DOCK3: variants seen among roughly 807,000 people sequenced by gnomAD.
The protein encoded by DOCK3 is dedicator of cytokinesis protein 3.
DOCK3 carries 60 observed loss-of-function variants against 265.6 expected under a neutral mutation model. The ratio of observed to expected loss-of-function variants is 0.23; its 90% CI spans 0.18 to 0.28. DOCK3 has a LOEUF of 0.28. DOCK3 is among the 10% of genes least tolerant of loss of function. The pLI is 1.00. For missense variants in DOCK3, 1,981 were observed against 2,594.3 expected (o/e 0.76, Z 5.14); for synonymous variants, 881 against 938.0 (o/e 0.94, Z 1.11).
chr3:50,897,481 C>G (rs1353416267), intron 4 of DOCK3, among the ~76,000 whole-genome samples: 1 of 152,132 alleles, frequency 6.6e-6, no homozygotes, highest in East Asian at 1.9e-4. Context: ...ATTTCTTTCT[C>G]TTGCCTGATT....
chr3:51,001,618 G>T (rs1014396858), intron 5 of DOCK3, among the ~76,000 whole-genome samples: 1 of 152,076 alleles, frequency 6.6e-6, no homozygotes, highest in Non-Finnish European at 1.5e-5. Context: ...CACAAATACC[G>T]TGTGTATGTA....
chr3:51,026,116 G>A (rs746492498), intron 5 of DOCK3, among the ~76,000 whole-genome samples: 3 of 152,064 alleles, frequency 2.0e-5, no homozygotes, highest in Non-Finnish European at 1.5e-5. Flanking sequence ...GGAGAGGCAA[G>A]CTAACACTGC....
intron 9 of DOCK3, among the ~76,000 whole-genome samples, chr3:51,130,305 C>T (rs1337414815): frequency 3.9e-5 from 6 of 152,158 alleles, no homozygotes; most frequent in Non-Finnish European, 8.8e-5. Context: ...AAGGTTATGA[C>T]ACAAAGCCAG....
rs536588963 is a variant in DOCK3, at chr3:51,274,730, A to G, written c.2549-349A>G. Among the ~76,000 whole-genome samples the G allele has an allele frequency of 3.3e-5, 5 of 152,266 alleles. No homozygotes were observed. In the East Asian group the frequency reaches 9.7e-4, roughly 29 times the overall value. On this transcript the variant is annotated intron_variant, in intron 24 of 52. Transcript: ENST00000266037. ...TAGAAAGTTGAAGCTGCAGGGAGCC[A>G]TGATTATGCCCCTGCATTCCAGCCT...
At chr3:51,306,467 A>G (rs2109434905) in intron 27 of DOCK3, among the ~76,000 whole-genome samples, 1 of 151,944 alleles carries the variant, frequency 6.6e-6, no homozygotes, top group African/African-American at 2.4e-5. Flanking sequence ...TCAATTTTGG[A>G]AAGTTTTTGC....
chr3:51,282,392 C>T (rs1307171131), intron 27 of DOCK3, among the ~76,000 whole-genome samples: 5 of 152,054 alleles, frequency 3.3e-5, no homozygotes, highest in African/African-American at 1.2e-4. Context: ...CCTGTAATCC[C>T]AACACTTTGG....
intron 16 of DOCK3, 130 bp from the exon 17 acceptor site, chr3:51,227,852 C>A: frequency 1.2e-6 from 1 of 861,306 alleles, no homozygotes. Context: ...ATCATTCCTG[C>A]AGTCAGGTTG....
intron 4 of DOCK3, chr3:50,901,678 T>A (rs1351525458): frequency 4.4e-6 from 2 of 454,152 alleles, no homozygotes; most frequent in Non-Finnish European, 8.8e-6. Flanking sequence ...TGGAGTGCAC[T>A]GTTCCTCAAG....
chr3:51,142,035 A>G (rs1017185727), intron 9 of DOCK3, among the ~76,000 whole-genome samples: 1 of 150,624 alleles, frequency 6.6e-6, no homozygotes. Context: ...ATTTGTATCT[A>G]CACTGTTACT....
chr3:50,875,895 C>T lies in DOCK3; in HGVS notation c.163-14131C>T, dbSNP rs566296092. ...ACAACTGTTGTGTTTTGAGAGTCTT[C>T]GCCTGTTCGCTGTTGAGATAATATG... On this transcript the variant is annotated intron_variant, in intron 3 of 52. Coordinates refer to ENST00000266037, the MANE Select transcript of DOCK3 (RefSeq NM_004947.5). Among the ~76,000 whole-genome samples the T allele has an allele frequency of 5.3e-5, 8 of 151,030 alleles. No individual in the cohort carries two copies. The South Asian group carries it at 1.7e-3, about 32-fold the overall frequency.
At chr3:50,679,055 C>T (rs890696591) in intron 1 of DOCK3, among the ~76,000 whole-genome samples, 6 of 152,144 alleles carry the variant, frequency 3.9e-5, no homozygotes, top group Admixed American at 1.3e-4. Flanking sequence ...CCTTGTGATC[C>T]GCTCGCCTCG....
intron 22 of DOCK3, among the ~76,000 whole-genome samples, chr3:51,258,611 C>G (rs2079677738): frequency 6.6e-6 from 1 of 152,092 alleles, no homozygotes; most frequent in South Asian, 2.1e-4. Flanking sequence ...TCACGCCATT[C>G]TCGTGCCTCA....
At chr3:51,249,519 G>A (rs1438162175) in intron 22 of DOCK3, among the ~76,000 whole-genome samples, 6 of 91,352 alleles carry the variant, frequency 6.6e-5, no homozygotes, top group African/African-American at 8.4e-5. Context: ...TCAGCTCCCC[G>A]CCCGGCCAGC....
In DOCK3 at chr3:50,987,151, C is replaced by T. The variant is rs1575686705; in HGVS notation, c.315+53074C>T. On this transcript the variant is annotated intron_variant, in intron 5 of 52. Coordinates refer to ENST00000266037, the MANE Select transcript of DOCK3 (RefSeq NM_004947.5). ...CTTAATTACTGTTTCCTTACGGTCTCTTTGTCACAATACTGGTTTTTTTTG... is the reference window on the plus strand; with the variant it reads ...CTTAATTACTGTTTCCTTACGGTCTTTTTGTCACAATACTGGTTTTTTTTG... Among the ~76,000 whole-genome samples, 4 of 152,280 alleles carry T rather than the reference C, an allele frequency of 2.6e-5. No individual in the cohort carries two copies. The East Asian group carries it at 7.7e-4, about 29-fold the overall frequency.
chr3:50,835,513 A>G (rs1341239914), intron 2 of DOCK3, among the ~76,000 whole-genome samples: 4 of 152,202 alleles, frequency 2.6e-5, no homozygotes, highest in Admixed American at 6.5e-5. Context: ...CAAGACAACA[A>G]TTGTTCATGG....
intron 12 of DOCK3, among the ~76,000 whole-genome samples, chr3:51,187,729 A>C (rs1446410160): frequency 6.6e-6 from 1 of 150,382 alleles, no homozygotes; most frequent in Non-Finnish European, 1.5e-5. Flanking sequence ...GGTTTTAAAA[A>C]ACGGGAGTTT....
intron 1 of DOCK3, among the ~76,000 whole-genome samples, chr3:50,702,076 T>A (rs555716957): frequency 5.9e-5 from 9 of 152,310 alleles, no homozygotes; most frequent in African/African-American, 2.2e-4. Context: ...ATACAAATTT[T>A]AGATTGTTTA....
At chr3:50,716,974 G>A (rs1193922642) in intron 1 of DOCK3, among the ~76,000 whole-genome samples, 1 of 151,920 alleles carries the variant, frequency 6.6e-6, no homozygotes, top group Non-Finnish European at 1.5e-5. Flanking sequence ...CTTACATTTT[G>A]TTTTTCTTTT....
At chr3:50,874,078 T>TTTG (rs1553689750) in intron 3 of DOCK3, among the ~76,000 whole-genome samples, 20 of 149,850 alleles carry the variant, frequency 1.3e-4, no homozygotes, top group African/African-American at 4.9e-4. Flanking sequence ...TTTTTTTTTT[T>TTTG]TTGTTAAATT....
Sources: gnomAD v4.1 joint callset for allele counts (sites outside exome capture counted in the v4.1 genomes callset) on GRCh38, gnomAD v4.1.1 for gene constraint, MANE v1.5 for transcripts, NCBI Gene and HGNC (gene_info 2026-07-23, HGNC 2026-07-21) for gene names.